The following MARCHF1 variants were observed in gnomAD, a reference collection of about 807,000 sequenced individuals.
The protein encoded by MARCHF1 is E3 ubiquitin-protein ligase MARCHF1.
MARCHF1 carries 40 observed loss-of-function variants against 54.2 expected under a neutral mutation model. The ratio of observed to expected loss-of-function variants is 0.74; its 90% CI spans 0.57 to 0.96. The LOEUF (loss-of-function observed/expected upper bound fraction) is 0.96, where lower values mean the gene tolerates loss of function less well. Ranked by LOEUF, MARCHF1 falls within the 40% of genes least tolerant of loss-of-function variation. MARCHF1 has a pLI of 0.00. For synonymous variants in MARCHF1, 236 were observed against 236.3 expected (o/e 1.00, Z 0.01); for missense variants, 586 against 656.5 (o/e 0.89, Z 1.17).
At position 164,259,080 on chromosome 4, in the gene MARCHF1, T is replaced by C. The variant is rs142361830; in HGVS notation, c.-323+124790A>G. Among the ~76,000 whole-genome samples the C allele has an allele frequency of 1.6e-3, 245 of 152,288 alleles. 1 individual carries two copies. The highest frequency in any genetic ancestry group is 5.2e-3 in the African/African-American group (218 of 41,562). ...TGATATTTAGAGGTAAAACGAGTAT[T>C]TTTTCAGTAAAAGATTTAGCAGTAA... On this transcript the variant is annotated intron_variant, in intron 1 of 9. Coordinates refer to ENST00000514618, the MANE Select transcript of MARCHF1 (RefSeq NM_001394959.1).
chr4:163,721,008 A>C (rs1745435778), intron 4 of MARCHF1, among the ~76,000 whole-genome samples: 1 of 152,138 alleles, frequency 6.6e-6, no homozygotes, highest in South Asian at 2.1e-4. Context: ...TTCCTAATTG[A>C]ATACCTTTTA....
At chr4:163,777,765 T>C (rs1174206128) in intron 4 of MARCHF1, among the ~76,000 whole-genome samples, 2 of 152,206 alleles carry the variant, frequency 1.3e-5, no homozygotes, top group South Asian at 2.1e-4. Flanking sequence ...CTGTAAGTTT[T>C]ATTAAGGTAT....
chr4:164,083,754 T>A lies in MARCHF1; in HGVS notation c.-248+27834A>T, dbSNP rs143408716. 3.7e-3 allele frequency among the ~76,000 whole-genome samples: 559 copies of A among 152,072 alleles called. 4 individuals are homozygous for A. The highest frequency in any genetic ancestry group is 0.013 in the African/African-American group (536 of 41,518). On this transcript the variant is annotated intron_variant, in intron 2 of 9. Coordinates refer to ENST00000514618, the MANE Select transcript of MARCHF1 (RefSeq NM_001394959.1). ...CTAACACTACCCAATTCTGCTTCAG[T>A]CACATTTTCAAAAACCTGATTCCAC...
intron 1 of MARCHF1, among the ~76,000 whole-genome samples, chr4:164,114,859 T>A (rs1755909078): frequency 6.7e-6 from 1 of 149,844 alleles, no homozygotes; most frequent in Admixed American, 6.7e-5. Flanking sequence ...CAGAATATAG[T>A]ACAAATCGTC....
At chr4:163,574,531 A>C (rs1263286859) in intron 8 of MARCHF1, among the ~76,000 whole-genome samples, 2 of 144,324 alleles carry the variant, frequency 1.4e-5, no homozygotes, top group Non-Finnish European at 3.0e-5. Flanking sequence ...CTTTCTACAT[A>C]TGGCTAGCCA....
At chr4:163,967,030 T>C (rs1275813919) in intron 3 of MARCHF1, among the ~76,000 whole-genome samples, 3 of 152,128 alleles carry the variant, frequency 2.0e-5, no homozygotes, top group Non-Finnish European at 4.4e-5. Flanking sequence ...AGGGAAAATA[T>C]GCCAGTATAG....
At chr4:163,558,630 T>G (rs1739371527) in intron 8 of MARCHF1, among the ~76,000 whole-genome samples, 1 of 152,168 alleles carries the variant, frequency 6.6e-6, no homozygotes. Context: ...TGCAGGCACT[T>G]GCAGAGAGCA....
chr4:164,230,150 CTT>C (rs923064893), intron 1 of MARCHF1, among the ~76,000 whole-genome samples: 4 of 152,130 alleles, frequency 2.6e-5, no homozygotes, highest in Admixed American at 2.6e-4. Context: ...AATCCCAGCA[CTT>C]TGGGAGGCTG....
chr4:163,571,337 G>A (rs1739836951), intron 8 of MARCHF1, among the ~76,000 whole-genome samples: 1 of 152,158 alleles, frequency 6.6e-6, no homozygotes, highest in Admixed American at 6.6e-5. Context: ...GAGGTCAGAA[G>A]ATTCTGGTCT....
At chr4:163,996,456 A>G (rs997551165) in intron 2 of MARCHF1, among the ~76,000 whole-genome samples, 4 of 152,054 alleles carry the variant, frequency 2.6e-5, no homozygotes, top group African/African-American at 9.7e-5. Context: ...GGTTAAAATA[A>G]TTGTCCTGGT....
chr4:163,548,381 T>A (rs924167877), intron 8 of MARCHF1, among the ~76,000 whole-genome samples: 1 of 95,998 alleles, frequency 1.0e-5, no homozygotes, highest in South Asian at 2.7e-4. Context: ...ACTATTAAAA[T>A]TGGGACTTCT....
intron 2 of MARCHF1, among the ~76,000 whole-genome samples, chr4:163,993,408 C>T (rs972668923): frequency 3.9e-5 from 6 of 152,032 alleles, no homozygotes; most frequent in Admixed American, 2.0e-4. Flanking sequence ...CTTTCAGAAG[C>T]GACTGAATGA....
intron 2 of MARCHF1, among the ~76,000 whole-genome samples, chr4:164,035,759 TA>T (rs1190738489): frequency 8.1e-5 from 12 of 147,296 alleles, no homozygotes; most frequent in Middle Eastern, 3.4e-3. Flanking sequence ...TTACATAGAT[TA>T]AAAAAAAAAC....
chr4:164,262,532 T>C (rs1205731166), intron 1 of MARCHF1, among the ~76,000 whole-genome samples: 2 of 152,188 alleles, frequency 1.3e-5, no homozygotes, highest in Non-Finnish European at 2.9e-5. Flanking sequence ...CCCTGTAGGA[T>C]ATAAAACAGG....
chr4:164,102,680 T>C (rs1755593620), intron 2 of MARCHF1, among the ~76,000 whole-genome samples: 1 of 151,322 alleles, frequency 6.6e-6, no homozygotes, highest in South Asian at 2.1e-4. Context: ...GTAAAGACCA[T>C]CGAGACTAGG....
intron 3 of MARCHF1, among the ~76,000 whole-genome samples, chr4:163,920,268 T>G (rs1751395935): frequency 6.6e-6 from 1 of 152,148 alleles, no homozygotes; most frequent in African/African-American, 2.4e-5. Flanking sequence ...GCTGGAAACA[T>G]AGACTTAATA....
chr4:163,877,478 T>C (rs746845762), intron 3 of MARCHF1, among the ~76,000 whole-genome samples: 1 of 147,854 alleles, frequency 6.8e-6, no homozygotes, highest in Non-Finnish European at 1.5e-5. Flanking sequence ...TTTTTTTTTC[T>C]AATGAACAGA....
chr4:164,140,534 C>T (rs1756506495), intron 1 of MARCHF1, among the ~76,000 whole-genome samples: 1 of 152,146 alleles, frequency 6.6e-6, no homozygotes, highest in African/African-American at 2.4e-5. Flanking sequence ...CCTTACCCCT[C>T]ACTAATTCCT....
At chr4:163,549,363 C>G (rs1739023428) in intron 8 of MARCHF1, among the ~76,000 whole-genome samples, 1 of 151,980 alleles carries the variant, frequency 6.6e-6, no homozygotes. Flanking sequence ...CGTTATCTCT[C>G]CAAGGGGTCT....
Sources: gnomAD v4.1 joint callset for allele counts (sites outside exome capture counted in the v4.1 genomes callset) on GRCh38, gnomAD v4.1.1 for gene constraint, MANE v1.5 for transcripts, NCBI Gene and HGNC (gene_info 2026-07-23, HGNC 2026-07-21) for gene names.